The following DLGAP2 variants were observed in gnomAD, a reference collection of about 807,000 sequenced individuals.
The protein encoded by DLGAP2 is disks large-associated protein 2.
In DLGAP2, 26 loss-of-function variants were observed where a neutral mutation model predicts 100.3. The ratio of observed to expected loss-of-function variants is 0.26; its 90% CI spans 0.19 to 0.36. The LOEUF (loss-of-function observed/expected upper bound fraction) is 0.36, where lower values mean the gene tolerates loss of function less well. DLGAP2 is among the 10% of genes least tolerant of loss of function. DLGAP2 has a pLI of 1.00. For missense variants in DLGAP2, 1,858 were observed against 1,453.2 expected (o/e 1.28, Z -4.53); for synonymous variants, 886 against 630.1 (o/e 1.41, Z -6.08).
chr8:856,984 A>G (rs1408998267), intron 1 of DLGAP2, among the ~76,000 whole-genome samples: 7 of 152,270 alleles, frequency 4.6e-5, no homozygotes, highest in Non-Finnish European at 1.0e-4. Context: ...GGAAAGCTAC[A>G]GTAATCAAGA....
At chr8:958,200 G>A (rs904642961) in intron 2 of DLGAP2, among the ~76,000 whole-genome samples, 1 of 152,104 alleles carries the variant, frequency 6.6e-6, no homozygotes, top group Admixed American at 6.6e-5. Context: ...TTATGTGGTG[G>A]CCTGTGTCAG....
At chr8:938,210 G>A (rs1336821057) in intron 2 of DLGAP2, among the ~76,000 whole-genome samples, 1 of 151,996 alleles carries the variant, frequency 6.6e-6, no homozygotes, top group Non-Finnish European at 1.5e-5. Flanking sequence ...ATTGAGACAG[G>A]GTCTCTCTCT....
chr8:1,546,143 C>A (rs1024492921), intron 4 of DLGAP2, among the ~76,000 whole-genome samples: 3 of 152,152 alleles, frequency 2.0e-5, no homozygotes, highest in African/African-American at 7.2e-5. Context: ...TATAATTTGA[C>A]TGTTTGAGAA....
At chr8:1,048,834 A>G (rs1802591387) in intron 2 of DLGAP2, among the ~76,000 whole-genome samples, 1 of 152,046 alleles carries the variant, frequency 6.6e-6, no homozygotes, top group African/African-American at 2.4e-5. Flanking sequence ...CCGGGATTGC[A>G]TATTCTCCTG....
In DLGAP2 at chr8:755,595, G is replaced by A. The variant is rs1345607174; in HGVS notation, c.18+17770G>A. Among the ~76,000 whole-genome samples the A allele has an allele frequency of 3.3e-5, 5 of 152,220 alleles. No homozygotes were observed. In the South Asian group the frequency reaches 8.3e-4, roughly 25 times the overall value. On this transcript the variant is annotated intron_variant, in intron 1 of 14. Transcript: ENST00000637795. ...GCATTTGAGGTGTGAGGTCTGGTGC[G>A]TGAGTAGGAACGAGGGGCAGGTGGG... is the stretch of plus-strand genomic sequence containing the variant.
intron 2 of DLGAP2, among the ~76,000 whole-genome samples, chr8:1,230,983 G>T (rs926666811): frequency 6.6e-6 from 1 of 152,238 alleles, no homozygotes; most frequent in South Asian, 2.1e-4. Flanking sequence ...GAAAGCAACT[G>T]CAACAAAAAC....
chr8:1,503,552 G>A (rs999748623), intron 4 of DLGAP2, among the ~76,000 whole-genome samples: 1 of 152,122 alleles, frequency 6.6e-6, no homozygotes, highest in Non-Finnish European at 1.5e-5. Context: ...TCCTTGGCCA[G>A]TGTGAATGGT....
At chr8:1,567,545 T>G (rs945586941) in intron 6 of DLGAP2, among the ~76,000 whole-genome samples, 3 of 152,214 alleles carry the variant, frequency 2.0e-5, no homozygotes, top group African/African-American at 7.2e-5. Flanking sequence ...CGTTTTCCTG[T>G]TGACGGGTTC....
At chr8:766,468 G>A (rs912630268) in intron 1 of DLGAP2, among the ~76,000 whole-genome samples, 2 of 152,192 alleles carry the variant, frequency 1.3e-5, no homozygotes, top group Non-Finnish European at 2.9e-5. Flanking sequence ...ATTGAACTCT[G>A]GGGTGACCCA....
rs185488433 is a variant in DLGAP2 at position 1,548,957 on chromosome 8, G to T, written c.504G>T (p.Ser168=). The part of the protein sequence containing the change: ...SSTFPRMHYS[S]HYDTRDDCAV... Reference sequence around the variant, plus strand: ...CCTTCCCGCGGATGCACTACAGCTCGCACTACGACACGCGCGACGACTGCG... The same window carrying T: ...CCTTCCCGCGGATGCACTACAGCTCTCACTACGACACGCGCGACGACTGCG... Residue 168 remains serine, a synonymous_variant, in exon 5 of 15, where the codon TCG becomes TCT. Transcript: ENST00000637795. 2 of 1,598,856 alleles carry T rather than the reference G, an allele frequency of 1.3e-6. No homozygotes were observed. The highest frequency in any genetic ancestry group is 1.3e-5 in the African/African-American group (1 of 74,902).
intron 3 of DLGAP2, among the ~76,000 whole-genome samples, chr8:1,491,723 G>A (rs1408434583): frequency 6.6e-6 from 1 of 152,188 alleles, no homozygotes; most frequent in Admixed American, 6.5e-5. Flanking sequence ...AGGCAGATAC[G>A]ATTTCCTCTT....
chr8:864,183 C>G (rs1354917975), intron 1 of DLGAP2, among the ~76,000 whole-genome samples: 16 of 152,004 alleles, frequency 1.1e-4, no homozygotes, highest in Non-Finnish European at 1.5e-5. Flanking sequence ...TTACTGGGGA[C>G]TAGGGGAGGT....
intron 6 of DLGAP2, among the ~76,000 whole-genome samples, chr8:1,617,811 C>T (rs967450265): frequency 6.6e-6 from 1 of 152,028 alleles, no homozygotes; most frequent in Admixed American, 6.6e-5. Context: ...AGCTAAAGCT[C>T]AATGTTAAAA....
intron 1 of DLGAP2, among the ~76,000 whole-genome samples, chr8:828,291 C>G (rs2132697133): frequency 6.6e-6 from 1 of 152,306 alleles, no homozygotes; most frequent in Non-Finnish European, 1.5e-5. Context: ...TATTTCACCT[C>G]TGCAATCTCG....
At chr8:1,386,012 C>T (rs1028393961) in intron 3 of DLGAP2, among the ~76,000 whole-genome samples, 1 of 151,762 alleles carries the variant, frequency 6.6e-6, no homozygotes, top group African/African-American at 2.4e-5. Flanking sequence ...GCAAGAGCTC[C>T]TAGGAATTAA....
intron 3 of DLGAP2, among the ~76,000 whole-genome samples, chr8:1,291,406 A>G (rs889719016): frequency 6.6e-6 from 1 of 152,174 alleles, no homozygotes. Context: ...CACAATTTCT[A>G]CATGTGAGAG....
intron 3 of DLGAP2, among the ~76,000 whole-genome samples, chr8:1,321,385 G>A (rs555386590): frequency 1.5e-4 from 23 of 151,362 alleles, no homozygotes; most frequent in Non-Finnish European, 2.5e-4. Context: ...ATGTGTATCC[G>A]TGTGTCTCTG....
intron 3 of DLGAP2, among the ~76,000 whole-genome samples, chr8:1,472,545 G>C (rs560958417): frequency 6.6e-6 from 1 of 152,098 alleles, no homozygotes; most frequent in East Asian, 1.9e-4. Flanking sequence ...TCAGGGTCTC[G>C]GGCCCGAGTG....
chr8:977,928 A>T (rs79467623), intron 2 of DLGAP2, among the ~76,000 whole-genome samples: 2 of 71,946 alleles, frequency 2.8e-5, no homozygotes, highest in Non-Finnish European at 5.7e-5. Context: ...GTCTTTGGTG[A>T]CGTGGGGAGG....
Sources: allele counts gnomAD v4.1 joint callset (sites outside exome capture counted in the v4.1 genomes callset), GRCh38; gene constraint gnomAD v4.1.1; transcripts MANE v1.5; gene names NCBI Gene and HGNC (gene_info 2026-07-23, HGNC 2026-07-21).